The following YBX3 variants were observed in gnomAD, a reference collection of about 807,000 sequenced individuals.
YBX3 encodes Y-box-binding protein 3.
A neutral mutation model predicts 42.4 loss-of-function variants in YBX3; 29 were observed. That is an observed-to-expected ratio of 0.68 (90% CI 0.51 to 0.93). The LOEUF (loss-of-function observed/expected upper bound fraction) is 0.93, where lower values mean the gene tolerates loss of function less well. Ranked by LOEUF, YBX3 falls within the 40% of genes least tolerant of loss-of-function variation. The probability of loss-of-function intolerance (pLI) is 0.00; values close to 1 mark genes in which losing one functional copy is unlikely to be tolerated. For synonymous variants in YBX3, 195 were observed against 189.8 expected (o/e 1.03, Z -0.22); for missense variants, 517 against 527.5 (o/e 0.98, Z 0.19).
At position 10,702,022 on chromosome 12, in the gene YBX3, G is replaced by A. The variant is rs1032991280; in HGVS notation, c.991C>T (p.Arg331Cys). 13 of 1,613,936 alleles carry A rather than the reference G, an allele frequency of 8.1e-6. No individual in the cohort carries two copies. Among genetic ancestry groups the A allele is most frequent in the African/African-American group, 1.3e-5 (1 of 74,904 alleles). ...GGGCGACGCCGGTAATTGTAGGGACGCCGGTATCCACGGCGAACAGACGGC... is the reference window on the plus strand; with the variant it reads ...GGGCGACGCCGGTAATTGTAGGGACACCGGTATCCACGGCGAACAGACGGC... ...NQPSVRRGYR[R>C]PYNYRRRPRP... The change falls in exon 8 of 10, where the codon CGT becomes TGT. Residue 331 changes from arginine to cysteine, a missense_variant. Around this residue, in one of 3 missense-constraint regions of YBX3, gnomAD observed 420 missense variants for 408.5 expected, o/e 1.03. Coordinates refer to ENST00000228251, the MANE Select transcript of YBX3 (RefSeq NM_003651.5).
At chr12:10,710,645 G>A (rs1591578253) in intron 5 of YBX3, 1 of 1,152,610 alleles carries the variant, frequency 8.7e-7, no homozygotes, top group East Asian at 5.8e-5. Flanking sequence ...TTACTAAGAT[G>A]CTATTTGCCT....
chr12:10,706,208 T>C (rs1161939504), intron 6 of YBX3, among the ~76,000 whole-genome samples: 1 of 152,234 alleles, frequency 6.6e-6, no homozygotes, highest in East Asian at 1.9e-4. Flanking sequence ...CTTTAGAAGT[T>C]GTTGGTGAGG....
chr12:10,722,798 C>G lies in YBX3; in HGVS notation c.262+52G>C, dbSNP rs912696581. 7.4e-6 allele frequency: 10 copies of G among 1,360,296 alleles called. No homozygotes were observed. The African/African-American group carries it at 1.1e-4, about 14-fold the overall frequency. The allele number at this position is 1,360,296 out of a possible 1,614,324, so 84.3% of individuals were successfully genotyped here. A position where few individuals can be genotyped will look rare whatever the true frequency, so the allele number is the denominator to read the frequency against. On this transcript the variant is annotated intron_variant, in intron 1 of 9. Transcript: ENST00000228251. ...GAGCTGCCCACACGTGCTCCGCGGC[C>G]GGCTGGGCCCGCCCCACTACGGCAG...
At chr12:10,704,238 G>A (rs1474675195) in intron 6 of YBX3, 90 bp from the exon 7 acceptor site, 4 of 1,077,928 alleles carry the variant, frequency 3.7e-6, no homozygotes, top group Non-Finnish European at 5.4e-6. Flanking sequence ...TTTTTTAGAA[G>A]TAAAAAACAA....
intron 6 of YBX3, among the ~76,000 whole-genome samples, chr12:10,709,551 A>C (rs1331674990): frequency 1.3e-5 from 2 of 152,222 alleles, no homozygotes; most frequent in African/African-American, 4.8e-5. Context: ...TGGTTTTCTC[A>C]AAACCTCACA....
chr12:10,709,424 A>T (rs39629), intron 6 of YBX3, among the ~76,000 whole-genome samples: 152,379 of 152,380 alleles, frequency 1, 76,189 homozygotes, highest in Non-Finnish European at 1. Flanking sequence ...CAATACTTTA[A>T]AAATGTTATT....
intron 3 of YBX3, chr12:10,717,853 A>G: frequency 5.6e-6 from 2 of 359,076 alleles, no homozygotes; most frequent in South Asian, 1.1e-4. Flanking sequence ...GTCTAACCAA[A>G]TATCACTTTA....
intron 6 of YBX3, chr12:10,704,515 C>T (rs780543388): frequency 1.1e-4 from 17 of 159,980 alleles, no homozygotes; most frequent in Non-Finnish European, 1.8e-4. Context: ...ACTTATTGTA[C>T]AACTTCCAGG....
At chr12:10,705,561 T>C (rs1369619272) in intron 6 of YBX3, among the ~76,000 whole-genome samples, 1 of 152,174 alleles carries the variant, frequency 6.6e-6, no homozygotes, top group African/African-American at 2.4e-5. Flanking sequence ...AGGTGGCATA[T>C]AGTTTCAATT....
At chr12:10,704,860 C>G (rs1565586389) in intron 6 of YBX3, among the ~76,000 whole-genome samples, 1 of 152,222 alleles carries the variant, frequency 6.6e-6, no homozygotes, top group South Asian at 2.1e-4. Context: ...TATCCCTTCA[C>G]TATGTTTTCA....
intron 7 of YBX3, chr12:10,702,490 T>G (rs1948093182): frequency 6.4e-6 from 1 of 156,636 alleles, no homozygotes; most frequent in Admixed American, 6.5e-5. Flanking sequence ...CACTCCAGCC[T>G]GGGTGACAGA....
At position 10,704,068 on chromosome 12, in the gene YBX3, G is replaced by T. The variant is rs1490645807; in HGVS notation, c.861C>A (p.Tyr287Ter). The T allele has an allele frequency of 1.2e-6, 2 of 1,614,160 alleles. No homozygotes were observed. Among genetic ancestry groups the T allele is most frequent in the Non-Finnish European group, 1.7e-6 (2 of 1,180,030 alleles). ...LQGPVHRNPT[Y>*]RPRYRSRGPP... The stretch of plus-strand genomic sequence containing the variant: ...CGACATACCTACGGTACCTTGGGCG[G>T]TAAGTTGGATTTCGATGAACCGGTC... The change falls in exon 7 of 10, where the codon TAC becomes TAA. Residue 287 changes from tyrosine (Y) to a stop codon, truncating the protein, a stop_gained. Coordinates refer to ENST00000228251, the MANE Select transcript of YBX3 (RefSeq NM_003651.5). LOFTEE classifies it high-confidence loss of function.
At chr12:10,700,818 C>T (rs187604250) in intron 9 of YBX3, among the ~76,000 whole-genome samples, 94 of 151,270 alleles carry the variant, frequency 6.2e-4, no homozygotes, top group African/African-American at 1.7e-3. Flanking sequence ...TATGCTGCAC[C>T]GCCTCAAAAT....
chr12:10,723,196 C>T lies in YBX3; in HGVS notation c.-85G>A. On this transcript the variant is annotated 5_prime_UTR_variant, in exon 1 of 10. Coordinates refer to ENST00000228251, the MANE Select transcript of YBX3 (RefSeq NM_003651.5). The stretch of plus-strand genomic sequence containing the variant: ...CGGCTGGTGGTCGCGGCGGCCGGGG[C>T]TCGCTCTCGGGGAGGCCGGGGCGGA... The T allele has an allele frequency of 1.7e-6, 2 of 1,177,134 alleles. No homozygotes were observed. Among genetic ancestry groups the T allele is most frequent in the Non-Finnish European group, 2.1e-6 (2 of 953,002 alleles). 72.9% of individuals were successfully genotyped at this position (1,177,134 alleles called of 1,614,324 possible).
rs1203579618 is a variant in YBX3 at position 10,723,255 on chromosome 12, G to A, written c.-144C>T. ...CGCAGGCGGCGGCGGCCGAGGTGGGGTCGCGCGGCGGAGGCGGCTCGAGCT... is the reference window on the plus strand; with the variant it reads ...CGCAGGCGGCGGCGGCCGAGGTGGGATCGCGCGGCGGAGGCGGCTCGAGCT... On this transcript the variant is annotated 5_prime_UTR_variant, in exon 1 of 10. Transcript: ENST00000228251. The A allele has an allele frequency of 6.1e-6, 7 of 1,155,224 alleles. No homozygotes were observed. Among genetic ancestry groups the A allele is most frequent in the Non-Finnish European group, 7.5e-6 (7 of 935,502 alleles). The allele number at this position is 1,155,224 out of a possible 1,614,324, so 71.6% of individuals were successfully genotyped here. A position where few individuals can be genotyped will look rare whatever the true frequency, so the allele number is the denominator to read the frequency against.
chr12:10,718,206 C>A (rs1381161284), intron 2 of YBX3, 85 bp from the exon 3 acceptor site: 24 of 1,217,914 alleles, frequency 2.0e-5, no homozygotes, highest in Non-Finnish European at 2.5e-5. Flanking sequence ...AATTTAACTC[C>A]CAAGTCCTCA....
intron 5 of YBX3, chr12:10,710,830 A>AT (rs1004856363): frequency 2.3e-5 from 4 of 171,644 alleles, no homozygotes; most frequent in South Asian, 1.1e-4. Context: ...CAATTTAAAT[A>AT]TTTTTTTTCC....
chr12:10,722,684 C>A (rs1302598950), intron 1 of YBX3, among the ~76,000 whole-genome samples, 166 bp downstream of exon 1: 1 of 152,164 alleles, frequency 6.6e-6, no homozygotes, highest in South Asian at 2.1e-4. Flanking sequence ...AGGCGGCCAG[C>A]GCTGGGGACC....
chr12:10,704,938 A>T (rs1948121053), intron 6 of YBX3, among the ~76,000 whole-genome samples: 1 of 152,204 alleles, frequency 6.6e-6, no homozygotes. Flanking sequence ...TCAATTTTTT[A>T]AAATTTTGAA....
Sources: allele counts gnomAD v4.1 joint callset (sites outside exome capture counted in the v4.1 genomes callset), GRCh38; gene constraint gnomAD v4.1.1; regional missense constraint gnomAD v4.1.1; transcripts MANE v1.5; gene names NCBI Gene and HGNC (gene_info 2026-07-23, HGNC 2026-07-21).